BLTP1: variants seen among roughly 807,000 people sequenced by gnomAD.
BLTP1 encodes the protein bridge-like lipid transfer protein family member 1.
chr4:122,167,697 A>G, the BLTP1 span: 1 of 985,170 alleles, frequency 1.0e-6, no homozygotes, highest in Non-Finnish European at 1.2e-6. Context: ...ACTACTCCAC[A>G]AGCTTGTCCG....
At chr4:122,185,222 GT>G in the BLTP1 span, 1 of 981,994 alleles carries the variant, frequency 1.0e-6, no homozygotes, top group Non-Finnish European at 1.2e-6. Context: ...AAACTCCATA[GT>G]TTTCTAAAAC....
the BLTP1 span, among the ~76,000 whole-genome samples, chr4:122,220,623 T>G: frequency 6.6e-6 from 1 of 152,172 alleles, no homozygotes; most frequent in African/African-American, 2.4e-5. Context: ...GTATGTATGT[T>G]TATGTGTATG....
At chr4:122,220,250 G>T in the BLTP1 span, 2 of 1,419,910 alleles carry the variant, frequency 1.4e-6, no homozygotes, top group South Asian at 1.3e-5. Flanking sequence ...TCTTAATCAT[G>T]ACAGATGTAA....
the BLTP1 span, chr4:122,192,459 A>C: frequency 2.1e-6 from 2 of 941,880 alleles, no homozygotes; most frequent in Non-Finnish European, 3.1e-6. Context: ...GCTAGCTTAA[A>C]ATTTTTATAA....
the BLTP1 span, chr4:122,305,688 C>A: frequency 1.1e-6 from 1 of 934,494 alleles, no homozygotes; most frequent in South Asian, 4.9e-5. Context: ...ATATTTACTT[C>A]TTGCATGGCT....
At chr4:122,239,661 G>C in the BLTP1 span, 12 of 1,613,930 alleles carry the variant, frequency 7.4e-6, no homozygotes, top group African/African-American at 1.5e-4. Context: ...TCTTACTGCT[G>C]CTTTCTATGG....
At chr4:122,356,836 G>A in the BLTP1 span, 1 of 1,524,072 alleles carries the variant, frequency 6.6e-7, no homozygotes, top group Non-Finnish European at 8.7e-7. Context: ...ATGGTCTAAT[G>A]AGAAAATGAG....
chr4:122,328,685 T>C, the BLTP1 span: 2 of 982,710 alleles, frequency 2.0e-6, no homozygotes, highest in Non-Finnish European at 2.4e-6. Context: ...CATTAACAGA[T>C]TGCAGCAAGG....
the BLTP1 span, chr4:122,298,801 G>A: frequency 1.1e-6 from 1 of 897,380 alleles, no homozygotes; most frequent in Non-Finnish European, 1.3e-6. Context: ...TGATGATTGA[G>A]CGCCTTTCAA....
At chr4:122,186,191 G>T in the BLTP1 span, 2 of 1,611,854 alleles carry the variant, frequency 1.2e-6, no homozygotes, top group Admixed American at 1.7e-5. Flanking sequence ...ACGGGAAATT[G>T]GAAGAACAAG....
the BLTP1 span, among the ~76,000 whole-genome samples, chr4:122,159,126 C>T: frequency 6.6e-6 from 1 of 152,056 alleles, no homozygotes; most frequent in Non-Finnish European, 1.5e-5. Context: ...TTATTTGTGG[C>T]AACTAATTTC....
At chr4:122,223,156 A>G in the BLTP1 span, 3 of 973,498 alleles carry the variant, frequency 3.1e-6, no homozygotes, top group East Asian at 2.3e-4. Context: ...TGAAAATTGG[A>G]TCAGAAGAGC....
the BLTP1 span, chr4:122,333,685 A>G: frequency 6.2e-7 from 1 of 1,611,720 alleles, no homozygotes; most frequent in Non-Finnish European, 8.5e-7. Context: ...AAAAAGAAGA[A>G]GTTTCAAACT....
the BLTP1 span, chr4:122,355,962 T>G: frequency 4.3e-6 from 7 of 1,611,210 alleles, no homozygotes; most frequent in Non-Finnish European, 5.9e-6. Context: ...CCATTCATGT[T>G]CAAGAACCAC....
chr4:122,273,508 T>C, the BLTP1 span: 1 of 837,384 alleles, frequency 1.2e-6, no homozygotes, highest in Non-Finnish European at 1.4e-6. Flanking sequence ...AAATTGTCAG[T>C]TTTTTCATCT....
At chr4:122,243,379 C>T in the BLTP1 span, 1 of 981,102 alleles carries the variant, frequency 1.0e-6, no homozygotes, top group Non-Finnish European at 1.2e-6. Flanking sequence ...ATGTATTAGC[C>T]ATCTTTGATC....
At chr4:122,196,771 T>C in the BLTP1 span, 17 of 1,581,682 alleles carry the variant, frequency 1.1e-5, no homozygotes, top group East Asian at 3.4e-4. Context: ...TACAATTGAT[T>C]TGCTGTTTAC....
the BLTP1 span, chr4:122,170,360 AG>A: frequency 2.5e-6 from 2 of 797,806 alleles, no homozygotes; most frequent in Non-Finnish European, 3.0e-6. Flanking sequence ...TTTGAGCCAG[AG>A]TATAGTAATT....
chr4:122,202,191 G>T, the BLTP1 span, among the ~76,000 whole-genome samples: 2 of 152,060 alleles, frequency 1.3e-5, no homozygotes, highest in Admixed American at 6.6e-5. Context: ...CTTCTCCAAG[G>T]CTTGAACCAA....
Sources: allele counts gnomAD v4.1 joint callset (sites outside exome capture counted in the v4.1 genomes callset), GRCh38; gene constraint gnomAD v4.1.1; transcripts MANE v1.5; gene names NCBI Gene and HGNC (gene_info 2026-07-23, HGNC 2026-07-21).